TDRD3: variants seen among roughly 807,000 people sequenced by gnomAD.
TDRD3 encodes tudor domain containing 3.
A neutral mutation model predicts 86.7 loss-of-function variants in TDRD3; 45 were observed. The ratio of observed to expected loss-of-function variants is 0.52; its 90% CI spans 0.41 to 0.67. The LOEUF is 0.67. Among genes scored for constraint, TDRD3 ranks in the 30% least tolerant of loss-of-function variants. The pLI is 0.00. For missense variants in TDRD3, 814 were observed against 889.0 expected (o/e 0.92, Z 1.07); for synonymous variants, 298 against 301.7 (o/e 0.99, Z 0.13).
At chr13:60,404,977 G>A (rs768654794) in intron 1 of TDRD3, among the ~76,000 whole-genome samples, 3 of 152,216 alleles carry the variant, frequency 2.0e-5, no homozygotes, top group African/African-American at 7.2e-5. Context: ...CCCTGCACAA[G>A]CTCTCTTTTT....
intron 8 of TDRD3, 80 bp from the exon 9 acceptor site, chr13:60,509,683 A>G: frequency 1.3e-6 from 2 of 1,539,510 alleles, no homozygotes; most frequent in Non-Finnish European, 8.9e-7. Flanking sequence ...ATTTTTAGTT[A>G]AAAGACAGTA....
At chr13:60,488,273 A>T (rs2137528141) in intron 7 of TDRD3, among the ~76,000 whole-genome samples, 1 of 152,356 alleles carries the variant, frequency 6.6e-6, no homozygotes, top group East Asian at 1.9e-4. Context: ...GGGGTGTGGC[A>T]TCTCATTGTC....
intron 8 of TDRD3, among the ~76,000 whole-genome samples, chr13:60,508,478 A>G (rs375432503): frequency 6.6e-6 from 1 of 152,230 alleles, no homozygotes; most frequent in South Asian, 2.1e-4. Context: ...ATCTGCAACC[A>G]TATGATCTTT....
chr13:60,448,155 G>T (rs187890614), intron 3 of TDRD3, among the ~76,000 whole-genome samples: 1 of 152,184 alleles, frequency 6.6e-6, no homozygotes, highest in African/African-American at 2.4e-5. Flanking sequence ...TTCAGCATTT[G>T]GGAACTTGAG....
chr13:60,496,663 G>T (rs1210790254), intron 8 of TDRD3, among the ~76,000 whole-genome samples: 1 of 152,038 alleles, frequency 6.6e-6, no homozygotes, highest in Non-Finnish European at 1.5e-5. Context: ...GAGAACCAAG[G>T]AACATAATGA....
At chr13:60,511,710 T>C (rs1957063622) in intron 10 of TDRD3, among the ~76,000 whole-genome samples, 1 of 152,200 alleles carries the variant, frequency 6.6e-6, no homozygotes, top group African/African-American at 2.4e-5. Context: ...TCTTACAGGC[T>C]CACCCATTCT....
intron 1 of TDRD3, among the ~76,000 whole-genome samples, chr13:60,430,558 C>T (rs555574656): frequency 6.6e-6 from 1 of 152,108 alleles, no homozygotes; most frequent in South Asian, 2.1e-4. Flanking sequence ...ATTATAACCC[C>T]AATGAAAGTA....
chr13:60,540,824 A>G (rs927201279), intron 12 of TDRD3, among the ~76,000 whole-genome samples: 2 of 152,158 alleles, frequency 1.3e-5, no homozygotes, highest in African/African-American at 4.8e-5. Context: ...TCCTTTATTG[A>G]GTAATGAAAA....
At chr13:60,547,344 G>C in intron 12 of TDRD3, 5 of 985,334 alleles carry the variant, frequency 5.1e-6, no homozygotes, top group Non-Finnish European at 6.0e-6. Context: ...TGAGAGAAGG[G>C]GAGTGGGCAA....
At chr13:60,484,613 C>G (rs1956387944) in intron 6 of TDRD3, 2 of 422,658 alleles carry the variant, frequency 4.7e-6, no homozygotes, top group Non-Finnish European at 9.3e-6. Context: ...AAGATATACT[C>G]TCACTTAAAT....
intron 3 of TDRD3, among the ~76,000 whole-genome samples, chr13:60,447,030 GCCTAT>G (rs1955417738): frequency 6.6e-6 from 1 of 152,134 alleles, no homozygotes. Context: ...TAAGTAATCT[GCCTAT>G]CTCTTGACCA....
chr13:60,492,917 CTTTTT>C (rs71199004), intron 7 of TDRD3, among the ~76,000 whole-genome samples: 1 of 115,470 alleles, frequency 8.7e-6, no homozygotes, highest in African/African-American at 3.0e-5. Flanking sequence ...TCTTTCTTTT[CTTTTT>C]TTTTTTTTTT....
At chr13:60,492,570 C>G (rs1956609964) in intron 7 of TDRD3, among the ~76,000 whole-genome samples, 1 of 152,198 alleles carries the variant, frequency 6.6e-6, no homozygotes, top group African/African-American at 2.4e-5. Context: ...GTTACAAAGC[C>G]TATGTGCTTA....
chr13:60,473,724 A>G (rs1010322696), intron 5 of TDRD3, among the ~76,000 whole-genome samples: 7 of 152,190 alleles, frequency 4.6e-5, no homozygotes, highest in Non-Finnish European at 8.8e-5. Flanking sequence ...CCAGAAGACA[A>G]GAGTGTGAGC....
chr13:60,501,184 C>A (rs988202510), intron 8 of TDRD3, among the ~76,000 whole-genome samples: 1 of 152,168 alleles, frequency 6.6e-6, no homozygotes, highest in African/African-American at 2.4e-5. Flanking sequence ...CTGTATCATT[C>A]CCCCCGCTGG....
intron 7 of TDRD3, among the ~76,000 whole-genome samples, chr13:60,487,809 T>C (rs1956480728): frequency 6.6e-6 from 1 of 152,218 alleles, no homozygotes; most frequent in Admixed American, 6.5e-5. Flanking sequence ...CTCAATCATA[T>C]GCTAGTTCTA....
chr13:60,418,646 T>C (rs1308441527), intron 1 of TDRD3, among the ~76,000 whole-genome samples: 1 of 150,944 alleles, frequency 6.6e-6, no homozygotes, highest in Non-Finnish European at 1.5e-5. Context: ...TTTAGCATGA[T>C]AGGTTTTGAT....
intron 10 of TDRD3, among the ~76,000 whole-genome samples, chr13:60,527,885 A>G (rs1957483871): frequency 6.6e-6 from 1 of 152,194 alleles, no homozygotes; most frequent in African/African-American, 2.4e-5. Flanking sequence ...TAGCAATTCC[A>G]GATCCAGAAA....
chr13:60,510,673 G>A lies in TDRD3; in HGVS notation c.1059G>A (p.Glu353=). 1 of 1,605,800 alleles carries A rather than the reference G, an allele frequency of 6.2e-7. No individual in the cohort carries two copies. The highest frequency in any genetic ancestry group is 8.5e-7 in the Non-Finnish European group (1 of 1,176,130). Residue 353 remains glutamate, a synonymous_variant, in exon 10 of 14, where the codon GAG becomes GAA. Coordinates refer to ENST00000377881, the MANE Select transcript of TDRD3 (RefSeq NM_001146070.2). ...GGCGAATAAGATCTGAAGATGAAGAGGACCTGGGAAATGCAAGGCCATCAG... is the reference window on the plus strand; with the variant it reads ...GGCGAATAAGATCTGAAGATGAAGAAGACCTGGGAAATGCAAGGCCATCAG... ...GRGRIRSEDE[E]DLGNARPSAP...
Sources: allele counts gnomAD v4.1 joint callset (sites outside exome capture counted in the v4.1 genomes callset), GRCh38; gene constraint gnomAD v4.1.1; transcripts MANE v1.5; gene names NCBI Gene and HGNC (gene_info 2026-07-23, HGNC 2026-07-21).